INO80: variants seen among roughly 807,000 people sequenced by gnomAD.
The protein encoded by INO80 is INO80 complex ATPase subunit, also known as chromatin-remodeling ATPase INO80.
In INO80, 20 loss-of-function variants were observed where a neutral mutation model predicts 203.4. That is an observed-to-expected ratio of 0.10 (90% CI 0.07 to 0.14). The LOEUF (loss-of-function observed/expected upper bound fraction) is 0.14, where lower values mean the gene tolerates loss of function less well. Ranked by LOEUF, INO80 falls within the 10% of genes least tolerant of loss-of-function variation. INO80 has a pLI of 1.00. For missense variants in INO80, 1,419 were observed against 1,914.4 expected (o/e 0.74, Z 4.83); for synonymous variants, 726 against 685.2 (o/e 1.06, Z -0.93).
intron 29 of INO80, among the ~76,000 whole-genome samples, chr15:40,990,112 T>TA (rs990443560): frequency 3.0e-3 from 443 of 145,854 alleles, no homozygotes; most frequent in Middle Eastern, 0.014. Flanking sequence ...CACTGAATTC[T>TA]AAAAAAAAAA....
intron 17 of INO80, 44 bp downstream of exon 17, chr15:41,056,578 C>A: frequency 7.3e-7 from 1 of 1,378,008 alleles, no homozygotes; most frequent in Non-Finnish European, 1.0e-6. Flanking sequence ...TGGAATCCTT[C>A]TGTTTTATGA....
At chr15:40,984,527 T>G (rs1486787846) in intron 32 of INO80, among the ~76,000 whole-genome samples, 175 bp from the exon 33 acceptor site, 1 of 152,170 alleles carries the variant, frequency 6.6e-6, no homozygotes, top group African/African-American at 2.4e-5. Context: ...TAACAGGAGT[T>G]TGTGTGTATT....
Position 40,980,450 on chromosome 15 carries a change from C to A in INO80, c.4454-10G>T, listed in dbSNP as rs749723573. 2.2e-5 allele frequency: 35 copies of A among 1,605,994 alleles called. No individual in the cohort carries two copies. The African/African-American group carries it at 3.2e-4, about 15-fold the overall frequency. On this transcript the variant is annotated splice_polypyrimidine_tract_variant and intron_variant, in intron 35 of 35. Transcript: ENST00000648947. ...CTGCTGGCGGAGATTCCTGTGGGGACGGAGAGAGACAAGAACGTAAGCACC... is the reference window on the plus strand; with the variant it reads ...CTGCTGGCGGAGATTCCTGTGGGGAAGGAGAGAGACAAGAACGTAAGCACC...
intron 1 of INO80, chr15:41,108,793 T>C (rs749787288): frequency 1.3e-5 from 2 of 152,148 alleles, no homozygotes; most frequent in Admixed American, 6.6e-5. Context: ...AACAACACTA[T>C]AAAGTAGACA....
chr15:41,109,854 C>T (rs1193376352), intron 1 of INO80, among the ~76,000 whole-genome samples: 1 of 151,794 alleles, frequency 6.6e-6, no homozygotes, highest in East Asian at 2.0e-4. Flanking sequence ...ATCACTTGAA[C>T]CTGGGAGATG....
chr15:41,084,854 A>T (rs1263442570), intron 7 of INO80, among the ~76,000 whole-genome samples: 1 of 152,118 alleles, frequency 6.6e-6, no homozygotes, highest in Non-Finnish European at 1.5e-5. Context: ...ATCCTGCCTC[A>T]GCCACTTGCA....
chr15:40,989,110 C>T (rs145769885), intron 29 of INO80, among the ~76,000 whole-genome samples: 304 of 151,960 alleles, frequency 2.0e-3, no homozygotes, highest in African/African-American at 6.7e-3. Context: ...ACCCAGGAGG[C>T]GGGGAGTACA....
At chr15:41,053,542 T>C (rs1056554423) in intron 19 of INO80, among the ~76,000 whole-genome samples, 1 of 152,194 alleles carries the variant, frequency 6.6e-6, no homozygotes, top group East Asian at 1.9e-4. Context: ...TAGGCAGTGT[T>C]TAAAAAAACC....
intron 1 of INO80, among the ~76,000 whole-genome samples, chr15:41,107,223 C>T (rs1050101692): frequency 6.6e-6 from 1 of 152,192 alleles, no homozygotes; most frequent in Admixed American, 6.5e-5. Flanking sequence ...AGGCCCAGAA[C>T]AGCAGATCAC....
At position 41,112,732 on chromosome 15, in the gene INO80, G is replaced by A. The variant is rs202148652; in HGVS notation, c.-44+3241C>T. On this transcript the variant is annotated intron_variant, in intron 1 of 35. Coordinates refer to ENST00000648947, the MANE Select transcript of INO80 (RefSeq NM_017553.3). ...GAACCCGGGAGGCAGAGGGTGCAGT[G>A]AGCCTAGATCGTGCCACTGCATTCC... Among the ~76,000 whole-genome samples, 22 of 128,274 alleles carry A rather than the reference G, an allele frequency of 1.7e-4. No individual in the cohort carries two copies. In the East Asian group the frequency reaches 5.3e-3, roughly 31 times the overall value. The allele number at this position is 128,274 out of a possible 152,430, so 84.2% of individuals were successfully genotyped here.
intron 14 of INO80, among the ~76,000 whole-genome samples, chr15:41,061,434 G>C (rs1006088576): frequency 1.5e-5 from 2 of 136,664 alleles, no homozygotes; most frequent in Admixed American, 7.9e-5. Flanking sequence ...GTGAAACACC[G>C]TCTCTACCAA....
chr15:41,060,776 A>C (rs1230309523), intron 14 of INO80, among the ~76,000 whole-genome samples: 1 of 152,160 alleles, frequency 6.6e-6, no homozygotes, highest in African/African-American at 2.4e-5. Context: ...AAGGCTTTGA[A>C]TAATTTGCAT....
chr15:41,108,591 C>CAA (rs61591905), intron 1 of INO80, among the ~76,000 whole-genome samples: 55 of 52,988 alleles, frequency 1.0e-3, no homozygotes, highest in African/African-American at 2.7e-3. Flanking sequence ...GACTCCGTCT[C>CAA]AAAAAAAAAA....
chr15:41,082,923 C>A (rs1178711580), intron 7 of INO80, among the ~76,000 whole-genome samples: 1 of 151,676 alleles, frequency 6.6e-6, no homozygotes, highest in Non-Finnish European at 1.5e-5. Flanking sequence ...TGAAAGGACA[C>A]CATCTGAGGC....
chr15:41,090,039 T>C (rs955489261), intron 5 of INO80, among the ~76,000 whole-genome samples: 2 of 152,204 alleles, frequency 1.3e-5, no homozygotes, highest in Non-Finnish European at 2.9e-5. Context: ...CTTCATACCA[T>C]CATTATTCAA....
chr15:41,024,199 G>C (rs1566915382), intron 25 of INO80, among the ~76,000 whole-genome samples: 1 of 152,132 alleles, frequency 6.6e-6, no homozygotes, highest in Non-Finnish European at 1.5e-5. Flanking sequence ...TCAGTGTTTT[G>C]AGAGGCTTCT....
Position 41,021,041 on chromosome 15 carries a change from C to G in INO80, c.3133G>C (p.Ala1045Pro). The change falls in exon 26 of 36, where the codon GCA (alanine) becomes CCA (proline). Residue 1045 changes from alanine to proline, a missense_variant. Ala to Pro is a conservative substitution (Grantham distance 27, BLOSUM62 -1). Around this residue, in one of 9 missense-constraint regions of INO80, gnomAD observed 302 missense variants for 345.4 expected, o/e 0.87. Transcript: ENST00000648947. ...RRVLKEGGSLAAKQCLLNGAP... is the reference protein window; with the variant it reads ...RRVLKEGGSLPAKQCLLNGAP... Reference sequence around the variant, plus strand: ...CCATTCAACAAACACTGCTTGGCTGCCAGACTCCCTCCTTCCTTCAGAACT... The same window carrying G: ...CCATTCAACAAACACTGCTTGGCTGGCAGACTCCCTCCTTCCTTCAGAACT... 1 of 1,614,154 alleles carries G rather than the reference C, an allele frequency of 6.2e-7. No individual in the cohort carries two copies. Among genetic ancestry groups the G allele is most frequent in the Non-Finnish European group, 8.5e-7 (1 of 1,179,994 alleles).
intron 24 of INO80, among the ~76,000 whole-genome samples, chr15:41,044,041 G>A (rs1374054786): frequency 6.6e-6 from 1 of 152,168 alleles, no homozygotes; most frequent in Non-Finnish European, 1.5e-5. Context: ...AAAACAGACT[G>A]CCATTCCCAG....
intron 4 of INO80, among the ~76,000 whole-genome samples, chr15:41,092,451 T>C (rs2928147): frequency 0.12 from 18,126 of 152,132 alleles, 3,226 homozygotes; most frequent in African/African-American, 0.39. Context: ...AAAGTATAAA[T>C]AATACATAAA....
Sources: allele counts gnomAD v4.1 joint callset (sites outside exome capture counted in the v4.1 genomes callset), GRCh38; gene constraint gnomAD v4.1.1; regional missense constraint gnomAD v4.1.1; transcripts MANE v1.5; gene names NCBI Gene and HGNC (gene_info 2026-07-23, HGNC 2026-07-21).